Variants in TMPRSS11F observed in about 807,000 individuals in gnomAD.
The protein encoded by TMPRSS11F is transmembrane serine protease 11F.
A neutral mutation model predicts 60.2 loss-of-function variants in TMPRSS11F; 47 were observed. The observed-to-expected ratio is 0.78, with a 90% CI of 0.62 to 1.00. The LOEUF is 1.00. Among genes scored for constraint, TMPRSS11F ranks in the 50% least tolerant of loss-of-function variants. The probability of loss-of-function intolerance (pLI) is 0.00; values close to 1 mark genes in which losing one functional copy is unlikely to be tolerated. For synonymous variants in TMPRSS11F, 166 were observed against 167.3 expected, an observed-to-expected ratio of 0.99 and a Z score of 0.06; for missense variants, 519 against 522.9, an observed-to-expected ratio of 0.99 and a Z score of 0.07.
rs371783100 is a variant in TMPRSS11F, at chr4:68,090,021, A to G, written c.282+502T>C. On this transcript the variant is annotated intron_variant, in intron 3 of 9. Transcript: ENST00000356291. ...GTTAAGGAGATGGCTCACCCAATATACTTAAAAAATTACAAATAACTTGAT... is the reference window on the plus strand; with the variant it reads ...GTTAAGGAGATGGCTCACCCAATATGCTTAAAAAATTACAAATAACTTGAT... Among the ~76,000 whole-genome samples, 53 of 152,246 alleles carry G rather than the reference A, an allele frequency of 3.5e-4. No individual in the cohort carries two copies. In the South Asian group the frequency reaches 0.011, roughly 30 times the overall value.
chr4:68,059,414 A>ACAT lies in TMPRSS11F; in HGVS notation c.1067_1069dup (p.Asp356dup), dbSNP rs1380756081. ...ATCATACACATCCTTTCTGTTACAC[A>ACAT]CATCAGTGCTTATGGTTTCCACTCT... On this transcript the variant is annotated inframe_insertion, in exon 9 of 10. Coordinates refer to ENST00000356291, the MANE Select transcript of TMPRSS11F (RefSeq NM_207407.2). 6.2e-7 allele frequency: 1 copy of ACAT among 1,613,982 alleles called. No individual in the cohort carries two copies. The highest frequency in any genetic ancestry group is 1.7e-5 in the Admixed American group (1 of 60,016).
chr4:68,065,739 T>C lies in TMPRSS11F; in HGVS notation c.756-795A>G, dbSNP rs569071886. Among the ~76,000 whole-genome samples, 13 of 150,566 alleles carry C rather than the reference T, an allele frequency of 8.6e-5. No homozygotes were observed. In the South Asian group the frequency reaches 2.8e-3, roughly 32 times the overall value. On this transcript the variant is annotated intron_variant, in intron 7 of 9. Coordinates refer to ENST00000356291, the MANE Select transcript of TMPRSS11F (RefSeq NM_207407.2). ...TATGGTTGAAGAAAGGATTACTATG[T>C]TGGTGAATCATCAACCTTTAAATGT...
rs997307477 is a variant in TMPRSS11F, at chr4:68,072,495, C to A, written c.351-9G>T. 2.7e-6 allele frequency: 4 copies of A among 1,468,616 alleles called. No individual in the cohort carries two copies. The highest frequency in any genetic ancestry group is 2.4e-5 in the East Asian group (1 of 41,388). The allele number at this position is 1,468,616 out of a possible 1,614,324, so 91.0% of individuals were successfully genotyped here. A position where few individuals can be genotyped will look rare whatever the true frequency, so the allele number is the denominator to read the frequency against. ...CACCTTGTTCATCTGGACTGAAGAACAAAAAAGCAGATAAAAATGGCATTT... is the reference window on the plus strand; with the variant it reads ...CACCTTGTTCATCTGGACTGAAGAAAAAAAAAGCAGATAAAAATGGCATTT... On this transcript the variant is annotated splice_polypyrimidine_tract_variant and intron_variant, in intron 4 of 9. Transcript: ENST00000356291.
rs547766493 is a variant in TMPRSS11F at position 68,098,822 on chromosome 4, C to T, written c.163+65G>A. 4.3e-5 allele frequency: 61 copies of T among 1,425,474 alleles called. No homozygotes were observed. The African/African-American group carries it at 7.6e-4, about 18-fold the overall frequency. The allele number at this position is 1,425,474 out of a possible 1,614,324, so 88.3% of individuals were successfully genotyped here. On this transcript the variant is annotated intron_variant, in intron 2 of 9. Coordinates refer to ENST00000356291, the MANE Select transcript of TMPRSS11F (RefSeq NM_207407.2). Reference sequence around the variant, plus strand: ...CATGCAAATGTCACTTTTTATACAACAGAAAATTTCAAGATACGAAGTCAT... The same window carrying T: ...CATGCAAATGTCACTTTTTATACAATAGAAAATTTCAAGATACGAAGTCAT...
Position 68,053,341 on chromosome 4 carries a change from AT to A in TMPRSS11F, c.*567del, listed in dbSNP as rs1161697692. On this transcript the variant is annotated 3_prime_UTR_variant, in exon 10 of 10. Coordinates refer to ENST00000356291, the MANE Select transcript of TMPRSS11F (RefSeq NM_207407.2). ...CTGTGTTAACAGCAAGTTCAGATAC[AT>A]TTAAAAACTTTTAAAATGTCAACTG... is the stretch of plus-strand genomic sequence containing the variant. 6.6e-6 allele frequency: 1 copy of A among 152,640 alleles called. No homozygotes were observed. Among genetic ancestry groups the A allele is most frequent in the African/African-American group, 2.4e-5 (1 of 41,452 alleles). The allele number at this position is 152,640 out of a possible 1,614,324, so 9.5% of individuals were successfully genotyped here. A position where few individuals can be genotyped will look rare whatever the true frequency, so the allele number is the denominator to read the frequency against.
At chr4:68,082,988 CAG>C (rs1318982590) in intron 3 of TMPRSS11F, among the ~76,000 whole-genome samples, 2 of 152,200 alleles carry the variant, frequency 1.3e-5, no homozygotes, top group African/African-American at 4.8e-5. Flanking sequence ...AGGAAGCAAA[CAG>C]AAGGAAACTT....
intron 1 of TMPRSS11F, among the ~76,000 whole-genome samples, chr4:68,105,622 T>G (rs1724289685): frequency 1.3e-5 from 2 of 152,216 alleles, no homozygotes; most frequent in Non-Finnish European, 2.9e-5. Flanking sequence ...GCAAAGGGAT[T>G]TGTTTTGTTC....
At chr4:68,114,607 T>C (rs957089200) in intron 1 of TMPRSS11F, among the ~76,000 whole-genome samples, 4 of 150,460 alleles carry the variant, frequency 2.7e-5, no homozygotes, top group African/African-American at 9.8e-5. Flanking sequence ...TGCCAGAAAA[T>C]AGAAAAAAAG....
At chr4:68,075,522 T>A (rs541759926) in intron 3 of TMPRSS11F, among the ~76,000 whole-genome samples, 1 of 152,260 alleles carries the variant, frequency 6.6e-6, no homozygotes, top group South Asian at 2.1e-4. Flanking sequence ...TCTTTCATTT[T>A]AAGGTGTTTA....
At chr4:68,065,022 A>T (rs960426315) in intron 7 of TMPRSS11F, 78 bp from the exon 8 acceptor site, 25 of 1,401,608 alleles carry the variant, frequency 1.8e-5, no homozygotes, top group Middle Eastern at 2.6e-4. Flanking sequence ...TTTCTTCCCA[A>T]CTGTCAGTAT....
chr4:68,129,144 T>G (rs965035717), intron 1 of TMPRSS11F, among the ~76,000 whole-genome samples: 3 of 152,102 alleles, frequency 2.0e-5, no homozygotes, highest in African/African-American at 7.2e-5. Flanking sequence ...AATTATTCCT[T>G]TCGAAGTCTA....
At chr4:68,072,199 T>TTA (rs58878382) in intron 5 of TMPRSS11F, 124 bp downstream of exon 5, 23,971 of 88,702 alleles carry the variant, frequency 0.27, 3,274 homozygotes, top group East Asian at 0.41. Flanking sequence ...TGCTGAGATT[T>TTA]TATATATATA....
intron 1 of TMPRSS11F, among the ~76,000 whole-genome samples, chr4:68,126,759 G>A (rs898947435): frequency 6.6e-6 from 1 of 152,176 alleles, no homozygotes; most frequent in Non-Finnish European, 1.5e-5. Context: ...AAATAGAAGA[G>A]TGCCAATAGA....
chr4:68,084,040 C>T (rs1277661164), intron 3 of TMPRSS11F, among the ~76,000 whole-genome samples: 1 of 151,956 alleles, frequency 6.6e-6, no homozygotes, highest in Non-Finnish European at 1.5e-5. Flanking sequence ...ACAGTTGGAA[C>T]AACAGAATAG....
At chr4:68,120,631 G>T (rs1402673819) in intron 1 of TMPRSS11F, among the ~76,000 whole-genome samples, 3 of 151,856 alleles carry the variant, frequency 2.0e-5, no homozygotes, top group Non-Finnish European at 4.4e-5. Flanking sequence ...CTCGTGATCC[G>T]CCCGCCTCGG....
rs190797745 is a variant in TMPRSS11F at position 68,065,107 on chromosome 4, T to C, written c.756-163A>G. Reference sequence around the variant, plus strand: ...AATAGGAAAAAAATTGTTTTTAAATTTATTACAATTAATTATGTACAAATA... The same window carrying C: ...AATAGGAAAAAAATTGTTTTTAAATCTATTACAATTAATTATGTACAAATA... On this transcript the variant is annotated intron_variant, in intron 7 of 9. Coordinates refer to ENST00000356291, the MANE Select transcript of TMPRSS11F (RefSeq NM_207407.2). 2.6e-4 allele frequency among the ~76,000 whole-genome samples: 40 copies of C among 152,308 alleles called. 1 individual carries two copies. The highest frequency in any genetic ancestry group is 5.5e-4 in the African/African-American group (23 of 41,566).
chr4:68,090,477 T>C (rs1178099768), intron 3 of TMPRSS11F, 46 bp downstream of exon 3: 1 of 1,535,610 alleles, frequency 6.5e-7, no homozygotes, highest in Non-Finnish European at 8.7e-7. Flanking sequence ...TTCAAAGTGA[T>C]GCAAAAGACA....
chr4:68,117,348 T>C (rs916975388), intron 1 of TMPRSS11F, among the ~76,000 whole-genome samples: 1 of 151,230 alleles, frequency 6.6e-6, no homozygotes, highest in Non-Finnish European at 1.5e-5. Context: ...GTGCCTGTAG[T>C]CCCAGCTGCT....
chr4:68,116,841 T>C (rs1369112412), intron 1 of TMPRSS11F, among the ~76,000 whole-genome samples: 2 of 152,114 alleles, frequency 1.3e-5, no homozygotes, highest in Non-Finnish European at 2.9e-5. Flanking sequence ...AAAAATCAAC[T>C]TGAAATGGAT....
Sources: gnomAD v4.1 joint callset for allele counts (sites outside exome capture counted in the v4.1 genomes callset) on GRCh38, gnomAD v4.1.1 for gene constraint, MANE v1.5 for transcripts, NCBI Gene and HGNC (gene_info 2026-07-23, HGNC 2026-07-21) for gene names.